The following PROSER2 variants were observed in gnomAD, a reference collection of about 807,000 sequenced individuals.
The protein encoded by PROSER2 is proline and serine rich 2, also known as proline and serine-rich protein 2.
A neutral mutation model predicts 14.6 loss-of-function variants in PROSER2; 18 were observed. The ratio of observed to expected loss-of-function variants is 1.23; its 90% CI spans 0.85 to 1.83. The LOEUF is 1.83. Ranked by LOEUF, PROSER2 falls within the 40% of genes most tolerant of loss-of-function variation. The probability of loss-of-function intolerance (pLI) is 0.00; values close to 1 mark genes in which losing one functional copy is unlikely to be tolerated. For synonymous variants in PROSER2, 367 were observed against 286.4 expected (o/e 1.28, Z -2.84); for missense variants, 823 against 629.8 (o/e 1.31, Z -3.28).
Position 11,869,490 on chromosome 10 carries a change from G to T in PROSER2, c.392G>T (p.Gly131Val). 1 of 1,612,070 alleles carries T rather than the reference G, an allele frequency of 6.2e-7. No individual in the cohort carries two copies. Among genetic ancestry groups the T allele is most frequent in the Non-Finnish European group, 8.5e-7 (1 of 1,178,356 alleles). Residue 131 changes from glycine to valine, a missense_variant and splice_region_variant, in exon 4 of 4, where the codon GGG becomes GTG. Physicochemically the swap from Gly to Val is moderately radical, Grantham distance 109. Coordinates refer to ENST00000277570, the MANE Select transcript of PROSER2 (RefSeq NM_153256.4). The surrounding 1 kb of genome is among the most constrained non-coding windows in gnomAD (Gnocchi z 4.4). ...EGLPEGTQAA[G>V]PAPAGKEHRK... ...CACAGGCTCCTCCCTTGTCTTCCAG[G>T]GCCTGCACCTGCTGGGAAGGAGCAC...
chr10:11,858,852 TAAAC>T (rs1473946002), intron 2 of PROSER2, among the ~76,000 whole-genome samples: 2 of 150,346 alleles, frequency 1.3e-5, no homozygotes, highest in African/African-American at 2.5e-5. Flanking sequence ...CTACTAAAAA[TAAAC>T]AAGTTAGCTG....
rs1055140083 is a variant in PROSER2 at position 11,869,395 on chromosome 10, C to A, written c.392-95C>A. ...AGCACCGGCGAAGTTGGTGTCAGGT[C>A]CAGGTTGAGGCTCTTTTCAGTTCAG... is the stretch of plus-strand genomic sequence containing the variant. On this transcript the variant is annotated intron_variant, in intron 3 of 3. Coordinates refer to ENST00000277570, the MANE Select transcript of PROSER2 (RefSeq NM_153256.4). The surrounding 1 kb of genome is among the most constrained non-coding windows in gnomAD (Gnocchi z 4.4). 17 of 918,034 alleles carry A rather than the reference C, an allele frequency of 1.9e-5. No homozygotes were observed. Among genetic ancestry groups the A allele is most frequent in the Non-Finnish European group, 2.8e-5 (16 of 572,414 alleles). 56.9% of individuals were successfully genotyped at this position (918,034 alleles called of 1,614,324 possible).
chr10:11,842,157 G>A lies in PROSER2; in HGVS notation c.-81-9840G>A, dbSNP rs929388272. Among the ~76,000 whole-genome samples the A allele has an allele frequency of 1.2e-3, 182 of 151,922 alleles. 2 individuals carry two copies. Among genetic ancestry groups the A allele is most frequent in the Admixed American group, 0.012 (179 of 15,260 alleles). ...GAATCGCTTGAACCCGGGAGGTGGAGGTTGTAGTGAGCTGAGATCGCGCCA... is the reference window on the plus strand; with the variant it reads ...GAATCGCTTGAACCCGGGAGGTGGAAGTTGTAGTGAGCTGAGATCGCGCCA... On this transcript the variant is annotated intron_variant, in intron 1 of 3. Transcript: ENST00000277570.
rs1175710568 is a variant in PROSER2 at position 11,838,020 on chromosome 10, T to G, written c.-81-13977T>G. 6.6e-6 allele frequency among the ~76,000 whole-genome samples: 1 copy of G among 152,168 alleles called. No homozygotes were observed. Among genetic ancestry groups the G allele is most frequent in the Non-Finnish European group, 1.5e-5 (1 of 68,038 alleles). On this transcript the variant is annotated intron_variant, in intron 1 of 3. Transcript: ENST00000277570. The surrounding 1 kb of genome is among the most constrained non-coding windows in gnomAD (Gnocchi z 4.4). ...TAACTTATCTGCCTGTATCATCTCC[T>G]GACATACTGGGTCTTTCAAAGGCTC...
chr10:11,848,002 G>A (rs545909831), intron 1 of PROSER2, among the ~76,000 whole-genome samples: 1 of 152,326 alleles, frequency 6.6e-6, no homozygotes, highest in Admixed American at 6.5e-5. Context: ...TTTGGTAAGA[G>A]TGCGTGTCCC....
rs955486712 is a variant in PROSER2, at chr10:11,830,890, G to A, written c.-82+7420G>A. On this transcript the variant is annotated intron_variant, in intron 1 of 3. Coordinates refer to ENST00000277570, the MANE Select transcript of PROSER2 (RefSeq NM_153256.4). This position sits in a 1 kb window ranked among gnomAD's most constrained non-coding sequence, Gnocchi z 4.5. Reference sequence around the variant, plus strand: ...GGTTCCCCAGAGGTATAGGAAGAGCGGGAGGAGAAGCAGCCTCTAGCTCCT... The same window carrying A: ...GGTTCCCCAGAGGTATAGGAAGAGCAGGAGGAGAAGCAGCCTCTAGCTCCT... 1.1e-4 allele frequency among the ~76,000 whole-genome samples: 17 copies of A among 152,158 alleles called. No homozygotes were observed. The highest frequency in any genetic ancestry group is 2.9e-4 in the African/African-American group (12 of 41,436).
chr10:11,833,045 T>C (rs79446439), intron 1 of PROSER2, among the ~76,000 whole-genome samples: 2,895 of 151,818 alleles, frequency 0.019, 63 homozygotes, highest in African/African-American at 0.054. Flanking sequence ...CATTTCACCT[T>C]GTTGGCCAGG....
At chr10:11,852,684 A>ATTTTTTTTTT (rs33939695) in intron 2 of PROSER2, among the ~76,000 whole-genome samples, 8 of 98,016 alleles carry the variant, frequency 8.2e-5, no homozygotes, top group East Asian at 2.9e-4. Context: ...ACACCCGGCT[A>ATTTTTTTTTT]TTTTTTTTTT....
At chr10:11,859,021 A>AAC (rs1834183314) in intron 2 of PROSER2, among the ~76,000 whole-genome samples, 1 of 146,720 alleles carries the variant, frequency 6.8e-6, no homozygotes, top group African/African-American at 2.5e-5. Context: ...AAAAAAAAAA[A>AAC]AAAAAAAAAA....
rs1051554933 is a variant in PROSER2 at position 11,870,424 on chromosome 10, G to A, written c.*18G>A. ...GTTCGTGAGGGCCGCGCGGGCTCCA[G>A]TCCACCCCGTTTCTCCCCACCCTGA... On this transcript the variant is annotated 3_prime_UTR_variant, in exon 4 of 4. Coordinates refer to ENST00000277570, the MANE Select transcript of PROSER2 (RefSeq NM_153256.4). 10 of 1,459,722 alleles carry A rather than the reference G, an allele frequency of 6.9e-6. No individual in the cohort carries two copies. In the African/African-American group the frequency reaches 1.5e-4, roughly 22 times the overall value. The allele number at this position is 1,459,722 out of a possible 1,614,324, so 90.4% of individuals were successfully genotyped here.
At chr10:11,852,409 A>G (rs940880156) in intron 2 of PROSER2, among the ~76,000 whole-genome samples, 194 bp downstream of exon 2, 3 of 152,142 alleles carry the variant, frequency 2.0e-5, no homozygotes, top group African/African-American at 4.8e-5. Context: ...CATTACCCAT[A>G]GCCATGGAGC....
chr10:11,865,319 G>GA lies in PROSER2; in HGVS notation c.139-1204dup, dbSNP rs1161995683. Among the ~76,000 whole-genome samples, 1 of 151,538 alleles carries GA rather than the reference G, an allele frequency of 6.6e-6. No individual in the cohort carries two copies. The highest frequency in any genetic ancestry group is 1.9e-4 in the East Asian group (1 of 5,178). On this transcript the variant is annotated intron_variant, in intron 2 of 3. Coordinates refer to ENST00000277570, the MANE Select transcript of PROSER2 (RefSeq NM_153256.4). The surrounding 1 kb of genome is among the most constrained non-coding windows in gnomAD (Gnocchi z 4.2). The stretch of plus-strand genomic sequence containing the variant: ...TCTAAGTCTTCTTTTGTCCTGTAAA[G>GA]AAAAAAAATCATGCTGTTTATGGAT...
chr10:11,839,633 T>C (rs1833808209), intron 1 of PROSER2, among the ~76,000 whole-genome samples: 1 of 152,058 alleles, frequency 6.6e-6, no homozygotes, highest in South Asian at 2.1e-4. Context: ...AAGACCAGCC[T>C]GGGCAACATG....
chr10:11,865,758 C>T lies in PROSER2; in HGVS notation c.139-773C>T, dbSNP rs565675601. Among the ~76,000 whole-genome samples the T allele has an allele frequency of 4.9e-4, 75 of 152,336 alleles. No homozygotes were observed. The highest frequency in any genetic ancestry group is 8.5e-4 in the Non-Finnish European group (58 of 68,032). On this transcript the variant is annotated intron_variant, in intron 2 of 3. Coordinates refer to ENST00000277570, the MANE Select transcript of PROSER2 (RefSeq NM_153256.4). The surrounding 1 kb of genome is among the most constrained non-coding windows in gnomAD (Gnocchi z 4.2). ...TCAGCTTTGCTCCGTGGCCCCACTT[C>T]AGGGTTCCTCTGTCACCTTTTTCGA...
intron 1 of PROSER2, among the ~76,000 whole-genome samples, chr10:11,845,277 C>G (rs1213432259): frequency 6.6e-6 from 1 of 152,140 alleles, no homozygotes. Flanking sequence ...GTTTACACCC[C>G]CACCAGCGGA....
Position 11,841,884 on chromosome 10 carries a change from A to G in PROSER2, c.-81-10113A>G, listed in dbSNP as rs114578934. On this transcript the variant is annotated intron_variant, in intron 1 of 3. Coordinates refer to ENST00000277570, the MANE Select transcript of PROSER2 (RefSeq NM_153256.4). The stretch of plus-strand genomic sequence containing the variant: ...ATGTGTTGTAAATCTTGATGAGATC[A>G]AACTTCCCATTATATTGTTTAAGTC... Among the ~76,000 whole-genome samples the G allele has an allele frequency of 8.0e-3, 1,217 of 152,302 alleles. 17 individuals are homozygous for G. The highest frequency in any genetic ancestry group is 0.028 in the African/African-American group (1,165 of 41,554).
intron 1 of PROSER2, among the ~76,000 whole-genome samples, chr10:11,848,962 G>A (rs1406469850): frequency 5.3e-5 from 8 of 152,154 alleles, no homozygotes; most frequent in African/African-American, 1.7e-4. Flanking sequence ...GCCGAGGCGG[G>A]CGGATCACAA....
chr10:11,847,476 G>A (rs1833940506), intron 1 of PROSER2, among the ~76,000 whole-genome samples: 2 of 152,118 alleles, frequency 1.3e-5, no homozygotes, highest in South Asian at 4.1e-4. Context: ...GGAGTGCATT[G>A]GCGCAATCTC....
rs767513539 is a variant in PROSER2 at position 11,869,873 on chromosome 10, G to A, written c.775G>A (p.Val259Ile). 1.3e-6 allele frequency: 2 copies of A among 1,594,066 alleles called. No homozygotes were observed. Among genetic ancestry groups the A allele is most frequent in the East Asian group, 2.3e-5 (1 of 44,152 alleles). ...KAPRFPSNIIVTNGAAREPRR... is the reference protein window; with the variant it reads ...KAPRFPSNIIITNGAAREPRR... ...ACCCCGCTTCCCCAGCAACATCATCGTCACCAACGGCGCGGCCCGGGAGCC... is the reference window on the plus strand; with the variant it reads ...ACCCCGCTTCCCCAGCAACATCATCATCACCAACGGCGCGGCCCGGGAGCC... The change falls in exon 4 of 4, where the codon GTC becomes ATC. Residue 259 changes from valine to isoleucine, a missense_variant. By Grantham distance (29) the Val-to-Ile change is conservative. Transcript: ENST00000277570. The surrounding 1 kb of genome is among the most constrained non-coding windows in gnomAD (Gnocchi z 4.4).
Sources: allele counts gnomAD v4.1 joint callset (sites outside exome capture counted in the v4.1 genomes callset), GRCh38; gene constraint gnomAD v4.1.1; non-coding constraint Gnocchi (gnomAD v3.1); transcripts MANE v1.5; gene names NCBI Gene and HGNC (gene_info 2026-07-23, HGNC 2026-07-21).